Variants in PIH1D1 observed in about 807,000 individuals in gnomAD.
PIH1D1 encodes the protein PIH1 domain-containing protein 1.
In PIH1D1, 28 loss-of-function variants were observed where a neutral mutation model predicts 38.5. The observed-to-expected ratio is 0.73, with a 90% CI of 0.54 to 1.00. The LOEUF is 1.00. Among genes scored for constraint, PIH1D1 ranks in the 50% least tolerant of loss-of-function variants. The pLI, the probability that PIH1D1 is intolerant of heterozygous loss-of-function variation, is 0.00. For synonymous variants in PIH1D1, 155 were observed against 153.5 expected, an observed-to-expected ratio of 1.01 and a Z score of -0.07; for missense variants, 343 against 369.9, an observed-to-expected ratio of 0.93 and a Z score of 0.60.
chr19:49,446,599 C>T lies in PIH1D1; in HGVS notation c.783G>A (p.Leu261=), dbSNP rs2079024257. 1 of 1,614,046 alleles carries T rather than the reference C, an allele frequency of 6.2e-7. No individual in the cohort carries two copies. The highest frequency in any genetic ancestry group is 1.3e-5 in the African/African-American group (1 of 75,018). ...CCTTGCTCTCATGAGAGTTGATCTG[C>T]AGCGGGATATAAGCGTCTAGATGAT... The part of the protein sequence containing the change: ...QLYHLDAYIP[L]QINSHESKAA... The change falls in exon 8 of 9, where the codon CTG becomes CTA. Residue 261 remains leucine (L), a synonymous_variant. Transcript: ENST00000262265.
chr19:49,451,439 C>T (rs1283270637), intron 1 of PIH1D1, 46 bp downstream of exon 1: 1 of 1,610,232 alleles, frequency 6.2e-7, no homozygotes. Flanking sequence ...GAGCACCCCG[C>T]CAAAATCCCC....
chr19:49,449,469 A>C lies in PIH1D1; in HGVS notation c.337+6T>G, dbSNP rs1442539220. On this transcript the variant is annotated splice_donor_region_variant and intron_variant, in intron 3 of 8. Coordinates refer to ENST00000262265, the MANE Select transcript of PIH1D1 (RefSeq NM_017916.3). ...CCAGACTCCTGGGTCCTCTGAGGGCACTGACTTGCATCCAGTTCTGCATGA... is the reference window on the plus strand; with the variant it reads ...CCAGACTCCTGGGTCCTCTGAGGGCCCTGACTTGCATCCAGTTCTGCATGA... 6.8e-6 allele frequency: 11 copies of C among 1,613,910 alleles called. 1 individual carries two copies. In the South Asian group the frequency reaches 7.7e-5, roughly 11 times the overall value.
intron 3 of PIH1D1, chr19:49,448,865 A>G: frequency 5.2e-6 from 1 of 191,758 alleles, no homozygotes; most frequent in South Asian, 9.1e-5. Context: ...GAGATGGAGA[A>G]AGGGAGAAGG....
chr19:49,449,794 C>CTT (rs61447252), intron 2 of PIH1D1, 140 bp from the exon 3 acceptor site: 900 of 502,408 alleles, frequency 1.8e-3, no homozygotes, highest in East Asian at 7.7e-3. Context: ...CCTCACTTCT[C>CTT]TTTTTTTTTT....
chr19:49,448,392 C>A, intron 3 of PIH1D1: 2 of 385,904 alleles, frequency 5.2e-6, no homozygotes, highest in Non-Finnish European at 9.6e-6. Flanking sequence ...CTGCCCCTCC[C>A]ACCTCTGGAG....
At position 49,449,526 on chromosome 19, in the gene PIH1D1, C is replaced by T. The variant is rs1398616730; in HGVS notation, c.286G>A (p.Gly96Arg). The change falls in exon 3 of 9, where the codon GGG becomes AGG. Residue 96 changes from glycine to arginine, a missense_variant. Transcript: ENST00000262265. ...CCCAGACTCATGGGGATGCGAAACC[C>T]AGCTTGGTCCTCCTCTAGCATCTGA... ...LLQMLEEDQA[G>R]FRIPMSLGEP... The T allele has an allele frequency of 6.2e-7, 1 of 1,614,090 alleles. No homozygotes were observed. The highest frequency in any genetic ancestry group is 8.5e-7 in the Non-Finnish European group (1 of 1,180,044).
chr19:49,449,440 C>T (rs769927145), intron 3 of PIH1D1, 35 bp downstream of exon 3: 46 of 1,603,084 alleles, frequency 2.9e-5, no homozygotes, highest in South Asian at 1.8e-4. Context: ...AGGGGCCTAG[C>T]GGGCCAGACT....
Position 49,448,050 on chromosome 19 carries a change from C to T in PIH1D1, c.350G>A (p.Cys117Tyr), listed in dbSNP as rs1465987159. 2 of 1,614,100 alleles carry T rather than the reference C, an allele frequency of 1.2e-6. No individual in the cohort carries two copies. The highest frequency in any genetic ancestry group is 1.3e-5 in the African/African-American group (1 of 74,938). Residue 117 changes from cysteine (C) to tyrosine (Y), a missense_variant, in exon 4 of 9, where the codon TGT (cysteine) becomes TAT (tyrosine). Transcript: ENST00000262265. ...GTTGACAGCTACGTCGTAGGCGGTA[C>T]ATCCCTGGCCTTCTGCGGGGAGAAA... Reference protein sequence around the residue: ...HAELDAKGQGCTAYDVAVNSD... With the variant: ...HAELDAKGQGYTAYDVAVNSD...
chr19:49,447,710 T>C (rs2079033089), intron 5 of PIH1D1, 117 bp downstream of exon 5: 2 of 1,124,734 alleles, frequency 1.8e-6, no homozygotes, highest in Non-Finnish European at 2.7e-6. Context: ...CTCCACCCCC[T>C]CCTAGTAGCA....
chr19:49,446,517 T>G, intron 8 of PIH1D1, 34 bp downstream of exon 8: 14 of 1,606,700 alleles, frequency 8.7e-6, no homozygotes, highest in Non-Finnish European at 1.2e-5. Flanking sequence ...GCCCCGCCAA[T>G]GTCCCAGCTT....
At position 49,451,781 on chromosome 19, in the gene PIH1D1, C is replaced by A. The variant is rs554796949; in HGVS notation, c.-207G>T. ...CGTGGGGAATATGTGTCTCTAGACG[C>A]ACTACCCTCCGTCCTACGTGCCGAA... On this transcript the variant is annotated 5_prime_UTR_variant, in exon 1 of 9. Transcript: ENST00000262265. 5.1e-6 allele frequency: 7 copies of A among 1,381,198 alleles called. No homozygotes were observed. The highest frequency in any genetic ancestry group is 3.2e-5 in the South Asian group (2 of 62,876). The allele number at this position is 1,381,198 out of a possible 1,614,324, so 85.6% of individuals were successfully genotyped here.
chr19:49,447,926 G>T lies in PIH1D1; in HGVS notation c.400-18C>A, dbSNP rs771812505. 6.2e-6 allele frequency: 10 copies of T among 1,613,896 alleles called. No individual in the cohort carries two copies. In the Admixed American group the frequency reaches 1.2e-4, roughly 19 times the overall value. On this transcript the variant is annotated intron_variant, in intron 4 of 8. Coordinates refer to ENST00000262265, the MANE Select transcript of PIH1D1 (RefSeq NM_017916.3). The stretch of plus-strand genomic sequence containing the variant: ...TCGCTGTTCTGGGGTGACAGAGAGG[G>T]AAAAGACAGGCGGTGGCGGGGAGGG...
Position 49,446,702 on chromosome 19 carries a change from G to A in PIH1D1, c.688-8C>T. On this transcript the variant is annotated splice_region_variant and splice_polypyrimidine_tract_variant and intron_variant, in intron 7 of 8. Transcript: ENST00000262265. ...CAGCCCCAGGGCTCCATCCTGGAGA[G>A]GTGGCGGAATCAGGTCACCCTCCCC... 6.5e-7 allele frequency: 1 copy of A among 1,543,704 alleles called. No homozygotes were observed. The highest frequency in any genetic ancestry group is 8.7e-7 in the Non-Finnish European group (1 of 1,147,542).
intron 2 of PIH1D1, among the ~76,000 whole-genome samples, chr19:49,450,241 C>T (rs1421274327): frequency 6.6e-6 from 1 of 151,996 alleles, no homozygotes; most frequent in African/African-American, 2.4e-5. Flanking sequence ...CAGGCACGCA[C>T]CCACCAAGTC....
In PIH1D1 at chr19:49,449,107, G is replaced by A. The variant is rs1232280121; in HGVS notation, c.337+368C>T. On this transcript the variant is annotated intron_variant, in intron 3 of 8. Coordinates refer to ENST00000262265, the MANE Select transcript of PIH1D1 (RefSeq NM_017916.3). ...CTTGGGAGCCTGAGACAGGAGAATC[G>A]TCTGAACCTGGGCAACAAGAGCGAA... 46 of 361,390 alleles carry A rather than the reference G, an allele frequency of 1.3e-4. 1 individual carries two copies. Among genetic ancestry groups the A allele is most frequent in the South Asian group, 9.0e-4 (42 of 46,552 alleles). The allele number at this position is 361,390 out of a possible 1,614,324, so 22.4% of individuals were successfully genotyped here. A position where few individuals can be genotyped will look rare whatever the true frequency, so the allele number is the denominator to read the frequency against.
intron 7 of PIH1D1, 88 bp from the exon 8 acceptor site, chr19:49,446,782 A>G: frequency 5.9e-6 from 8 of 1,366,246 alleles, no homozygotes; most frequent in Non-Finnish European, 7.0e-6. Flanking sequence ...CTGGGAAACT[A>G]TATTTGAAGG....
At position 49,447,071 on chromosome 19, in the gene PIH1D1, G is replaced by T; in HGVS notation, c.640C>A (p.Leu214Met). The change falls in exon 7 of 9, where the codon CTG becomes ATG. Residue 214 changes from leucine to methionine, a missense_variant. Transcript: ENST00000262265. ...GPEKPHLNLWLEAPDLLLAEV... is the reference protein window; with the variant it reads ...GPEKPHLNLWMEAPDLLLAEV... ...GCCAAGAGGAGGTCGGGGGCTTCCAGCCACAGGTTCAGGTGAGGCTTTTCA... is the reference window on the plus strand; with the variant it reads ...GCCAAGAGGAGGTCGGGGGCTTCCATCCACAGGTTCAGGTGAGGCTTTTCA... The T allele has an allele frequency of 6.2e-7, 1 of 1,613,524 alleles. No homozygotes were observed. Among genetic ancestry groups the T allele is most frequent in the Non-Finnish European group, 8.5e-7 (1 of 1,179,790 alleles).
chr19:49,447,994 C>G lies in PIH1D1; in HGVS notation c.399+7G>C. 6.2e-7 allele frequency: 1 copy of G among 1,614,188 alleles called. No individual in the cohort carries two copies. Among genetic ancestry groups the G allele is most frequent in the Non-Finnish European group, 8.5e-7 (1 of 1,180,018 alleles). ...GCCCAGGCCTCAACCGCAGCCCCGC[C>G]CCCAACCTGCATCCTCCGGTAGAAG... On this transcript the variant is annotated splice_region_variant and intron_variant, in intron 4 of 8. Coordinates refer to ENST00000262265, the MANE Select transcript of PIH1D1 (RefSeq NM_017916.3).
intron 3 of PIH1D1, 162 bp from the exon 4 acceptor site, chr19:49,448,224 G>A (rs997941895): frequency 8.9e-6 from 6 of 670,440 alleles, no homozygotes; most frequent in African/African-American, 7.2e-5. Flanking sequence ...TGGACTCTCC[G>A]CCCAGCCTCC....
Sources: gnomAD v4.1 joint callset for allele counts (sites outside exome capture counted in the v4.1 genomes callset) on GRCh38, gnomAD v4.1.1 for gene constraint, MANE v1.5 for transcripts, NCBI Gene and HGNC (gene_info 2026-07-23, HGNC 2026-07-21) for gene names.